Variants in ERI1 observed in about 807,000 individuals in gnomAD.
ERI1 encodes the protein exoribonuclease 1.
In ERI1, 39 loss-of-function variants were observed where a neutral mutation model predicts 39.7. That is an observed-to-expected ratio of 0.98 (90% confidence interval 0.76 to 1.28). The LOEUF (loss-of-function observed/expected upper bound fraction) is 1.28. Ranked by LOEUF, ERI1 falls within the 50% of genes most tolerant of loss-of-function variation. ERI1 has a pLI of 0.00. For missense variants in ERI1, 581 were observed against 416.9 expected (o/e 1.39, Z -3.43); for synonymous variants, 204 against 149.6 (o/e 1.36, Z -2.65).
At chr8:9,034,934 T>G (rs990833195), downstream of ERI1, among the ~76,000 whole-genome samples, 2 of 152,216 alleles carry the variant, frequency 1.3e-5, no homozygotes, top group African/African-American at 4.8e-5. Context: ...TTATTACTGA[T>G]ATGGAGAAAG....
At chr8:9,058,679 C>G (rs1182645826) in intron 3 of ERI1, among the ~76,000 whole-genome samples, 1 of 152,126 alleles carries the variant, frequency 6.6e-6, no homozygotes, top group Non-Finnish European at 1.5e-5. Flanking sequence ...CCTATCTTGG[C>G]AACCATGTGT....
At chr8:9,013,643 G>A (rs926009739) in intron 3 of ERI1, among the ~76,000 whole-genome samples, 4 of 151,966 alleles carry the variant, frequency 2.6e-5, no homozygotes, top group Middle Eastern at 3.2e-3. Context: ...TTTCCAACCC[G>A]TTCCAAATCC....
chr8:9,020,225 C>G (rs894258560), intron 5 of ERI1, 125 bp from the exon 6 acceptor site: 1 of 504,960 alleles, frequency 2.0e-6, no homozygotes, highest in Admixed American at 4.1e-5. Context: ...GGTTAATTTT[C>G]TCAGCTTGAT....
chr8:9,038,929 T>G (rs1297674238), intron 3 of ERI1, among the ~76,000 whole-genome samples: 1 of 152,248 alleles, frequency 6.6e-6, no homozygotes, highest in African/African-American at 2.4e-5. Flanking sequence ...TTTTACTCAG[T>G]TCTTTAATTT....
At chr8:9,060,695 A>C in intron 3 of ERI1, among the ~76,000 whole-genome samples, 1 of 152,210 alleles carries the variant, frequency 6.6e-6, no homozygotes, top group Non-Finnish European at 1.5e-5. Context: ...GATAGGTGGA[A>C]GTTTCAGCGG....
rs1297734618 is a variant in ERI1 at position 9,031,055 on chromosome 8, TGATAAG to T, written c.*1023_*1028del. The T allele has an allele frequency of 6.6e-6, 1 of 152,232 alleles. No homozygotes were observed. Among genetic ancestry groups the T allele is most frequent in the Non-Finnish European group, 1.5e-5 (1 of 68,026 alleles). The allele number at this position is 152,232 out of a possible 1,614,324, so 9.4% of individuals were successfully genotyped here. On this transcript the variant is annotated 3_prime_UTR_variant, in exon 7 of 7. Coordinates refer to ENST00000250263, the MANE Select transcript of ERI1 (RefSeq NM_153332.4). ...AAAAACTAAAATGTGCATTTCGACT[TGATAAG>T]GTAAAACTCTTATCTAGAGGCTAAA... is the stretch of plus-strand genomic sequence containing the variant.
At chr8:9,045,492 G>A (rs1294267502) in intron 3 of ERI1, among the ~76,000 whole-genome samples, 1 of 151,820 alleles carries the variant, frequency 6.6e-6, no homozygotes, top group Non-Finnish European at 1.5e-5. Context: ...GTGTTTCAGT[G>A]GCTCTCAAAT....
intron 3 of ERI1, among the ~76,000 whole-genome samples, chr8:9,038,573 A>G (rs533563246): frequency 1.3e-5 from 2 of 152,114 alleles, no homozygotes; most frequent in East Asian, 3.9e-4. Context: ...CTTGGGCAAC[A>G]TGGTGAAACC....
chr8:9,046,383 G>A (rs115338958), intron 3 of ERI1, among the ~76,000 whole-genome samples: 96 of 152,304 alleles, frequency 6.3e-4, no homozygotes, highest in African/African-American at 2.3e-3. Context: ...GAGGAGATGA[G>A]GCAGAGCAGC....
chr8:9,035,830 C>T (rs1220552370), downstream of ERI1, among the ~76,000 whole-genome samples: 1 of 152,186 alleles, frequency 6.6e-6, no homozygotes, highest in African/African-American at 2.4e-5. Flanking sequence ...AAAGGATTCA[C>T]CATTCTATTC....
At chr8:9,017,441 G>A (rs1817423947) in intron 4 of ERI1, among the ~76,000 whole-genome samples, 1 of 152,142 alleles carries the variant, frequency 6.6e-6, no homozygotes, top group South Asian at 2.1e-4. Flanking sequence ...GTATTTGAGT[G>A]CCTACTATAA....
At chr8:9,043,429 G>T (rs1293854046) in intron 3 of ERI1, among the ~76,000 whole-genome samples, 1 of 152,162 alleles carries the variant, frequency 6.6e-6, no homozygotes, top group Non-Finnish European at 1.5e-5. Context: ...AGCATGTAGA[G>T]GCCAGGCCTA....
At chr8:9,068,704 ACT>A (rs535698494) in intron 3 of ERI1, among the ~76,000 whole-genome samples, 186 of 151,792 alleles carry the variant, frequency 1.2e-3, no homozygotes, top group African/African-American at 4.3e-3. Context: ...GTATTGTCTT[ACT>A]CTCTCTTCAT....
intron 3 of ERI1, among the ~76,000 whole-genome samples, chr8:9,078,487 C>T (rs1180327188): frequency 6.6e-6 from 1 of 152,132 alleles, no homozygotes; most frequent in Admixed American, 6.5e-5. Context: ...AATTCAAACT[C>T]AAGTTTTTTA....
chr8:9,008,824 GA>G (rs1445845157), intron 2 of ERI1, among the ~76,000 whole-genome samples: 1 of 151,934 alleles, frequency 6.6e-6, no homozygotes, highest in South Asian at 2.1e-4. Context: ...CAGGCATCAA[GA>G]AAAAAAATTG....
chr8:9,071,740 A>G (rs1226681909), intron 3 of ERI1, among the ~76,000 whole-genome samples: 1 of 152,218 alleles, frequency 6.6e-6, no homozygotes, highest in Admixed American at 6.5e-5. Flanking sequence ...TTGAGCTCCA[A>G]CAGAGCAAGG....
At chr8:9,004,343 A>C in intron 1 of ERI1, 2 of 1,061,622 alleles carry the variant, frequency 1.9e-6, no homozygotes, top group Non-Finnish European at 2.4e-6. Context: ...TTAGTAAAAG[A>C]AGTGTGTTTG....
At chr8:9,038,978 C>G (rs1797937838) in intron 3 of ERI1, among the ~76,000 whole-genome samples, 1 of 152,192 alleles carries the variant, frequency 6.6e-6, no homozygotes, top group South Asian at 2.1e-4. Context: ...GATGATAAAT[C>G]ATTCTTCAGC....
intron 3 of ERI1, among the ~76,000 whole-genome samples, chr8:9,047,705 A>T (rs568488997): frequency 7.1e-6 from 1 of 141,356 alleles, no homozygotes; most frequent in East Asian, 2.1e-4. Context: ...TCTCTTAAAA[A>T]GAAAGAAAAG....
Sources: gnomAD v4.1 joint callset for allele counts (sites outside exome capture counted in the v4.1 genomes callset) on GRCh38, gnomAD v4.1.1 for gene constraint, MANE v1.5 for transcripts, NCBI Gene and HGNC (gene_info 2026-07-23, HGNC 2026-07-21) for gene names.